The following CACNB4 variants were observed in gnomAD, a reference collection of about 807,000 sequenced individuals.
CACNB4 encodes the protein voltage-dependent L-type calcium channel subunit beta-4.
In CACNB4, 32 loss-of-function variants were observed where a neutral mutation model predicts 71.2. The observed-to-expected ratio is 0.45, with a 90% CI of 0.34 to 0.60. CACNB4 has a LOEUF of 0.60. CACNB4 is among the 20% of genes least tolerant of loss of function. The probability of loss-of-function intolerance (pLI) is 0.01; values close to 1 mark genes in which losing one functional copy is unlikely to be tolerated. For missense variants in CACNB4, 464 were observed against 647.9 expected (o/e 0.72, Z 3.08); for synonymous variants, 231 against 236.9 (o/e 0.97, Z 0.23).
At position 151,883,303 on chromosome 2, in the gene CACNB4, G is replaced by C. The variant is rs1438541321; in HGVS notation, c.215C>G (p.Ala72Gly). Residue 72 changes from alanine (A) to glycine (G), a missense_variant, in exon 3 of 14, where the codon GCA becomes GGA. Coordinates refer to ENST00000539935, the MANE Select transcript of CACNB4 (RefSeq NM_000726.5). ...TTGCTGTTCTCTCTCCTGTCGAATT[G>C]CTTCCCGGTCCTCTTCCAAAGAGAC... is the stretch of plus-strand genomic sequence containing the variant. ...SDVSLEEDRE[A>G]IRQEREQQAA... 1.9e-6 allele frequency: 3 copies of C among 1,613,826 alleles called. No individual in the cohort carries two copies. Among genetic ancestry groups the C allele is most frequent in the Non-Finnish European group, 2.5e-6 (3 of 1,179,718 alleles).
chr2:151,969,405 C>A (rs1195884770), intron 2 of CACNB4: 3 of 152,176 alleles, frequency 2.0e-5, no homozygotes, highest in Non-Finnish European at 4.4e-5. Flanking sequence ...CTAGCAAGCA[C>A]AAGGATATAT....
chr2:151,942,316 C>T (rs146317856), intron 2 of CACNB4, among the ~76,000 whole-genome samples: 6,070 of 149,086 alleles, frequency 0.041, 1,196 homozygotes, highest in African/African-American at 0.15. Flanking sequence ...GACATTTATC[C>T]GTTCCCAAAT....
At position 152,088,991 on chromosome 2, in the gene CACNB4, G is replaced by A. The variant is rs181324104; in HGVS notation, c.147+9339C>T. Among the ~76,000 whole-genome samples the A allele has an allele frequency of 3.1e-3, 479 of 152,322 alleles. 3 individuals carry two copies. The highest frequency in any genetic ancestry group is 0.011 in the African/African-American group (464 of 41,578). ...GTTACTTGAAAGCAGTAAAGCTACA[G>A]TATACCCTTAAAATTGAATCTATAA... On this transcript the variant is annotated intron_variant, in intron 2 of 13. Transcript: ENST00000539935.
chr2:152,025,099 T>G (rs1325088356), intron 2 of CACNB4, among the ~76,000 whole-genome samples: 1 of 152,146 alleles, frequency 6.6e-6, no homozygotes, highest in African/African-American at 2.4e-5. Flanking sequence ...ACCAGAAATC[T>G]GAGGCCCGAT....
At chr2:151,843,472 G>C (rs2099836762) in intron 12 of CACNB4, among the ~76,000 whole-genome samples, 1 of 151,976 alleles carries the variant, frequency 6.6e-6, no homozygotes, top group South Asian at 2.1e-4. Flanking sequence ...GCACCACTGT[G>C]CCTGGCTAAC....
intron 2 of CACNB4, among the ~76,000 whole-genome samples, chr2:151,992,133 G>T (rs1681743752): frequency 6.6e-6 from 1 of 152,196 alleles, no homozygotes; most frequent in Non-Finnish European, 1.5e-5. Context: ...GGCCTGGATG[G>T]AGTAAACTCC....
intron 2 of CACNB4, among the ~76,000 whole-genome samples, chr2:151,923,747 T>G (rs1224979424): frequency 6.6e-6 from 1 of 152,208 alleles, no homozygotes; most frequent in Non-Finnish European, 1.5e-5. Context: ...CTAACCCTCT[T>G]GCAGATTGGC....
At chr2:151,975,390 G>A (rs547351702) in intron 2 of CACNB4, among the ~76,000 whole-genome samples, 5 of 152,278 alleles carry the variant, frequency 3.3e-5, no homozygotes, top group African/African-American at 1.2e-4. Flanking sequence ...AATCACAGTC[G>A]CACATCTTGG....
intron 2 of CACNB4, among the ~76,000 whole-genome samples, chr2:151,920,866 C>T (rs890181852): frequency 3.3e-5 from 5 of 152,070 alleles, no homozygotes; most frequent in African/African-American, 4.8e-5. Flanking sequence ...AGGCCAGGCA[C>T]GGTGACTCAC....
chr2:151,998,315 C>CAAAAAAAAAAAAAAAAAA (rs70974815), intron 2 of CACNB4, among the ~76,000 whole-genome samples: 2 of 110,720 alleles, frequency 1.8e-5, no homozygotes, highest in African/African-American at 8.0e-5. Context: ...ACTCCATCTC[C>CAAAAAAAAAAAAAAAAAA]AAAAAAAAAA....
chr2:151,994,832 G>A (rs1230113752), intron 2 of CACNB4, among the ~76,000 whole-genome samples: 1 of 150,514 alleles, frequency 6.6e-6, no homozygotes, highest in Admixed American at 6.6e-5. Context: ...TTTAGAGACA[G>A]AGTCTTGCCC....
At chr2:151,898,572 C>T (rs1052752396) in intron 2 of CACNB4, among the ~76,000 whole-genome samples, 2 of 152,150 alleles carry the variant, frequency 1.3e-5, no homozygotes, top group Non-Finnish European at 2.9e-5. Flanking sequence ...TTTGTTGTTT[C>T]AACGAGGAAA....
intron 5 of CACNB4, chr2:151,874,778 G>A: frequency 2.6e-6 from 1 of 389,946 alleles, no homozygotes; most frequent in East Asian, 3.7e-5. Flanking sequence ...ATGCTTCAGT[G>A]CAGGCTGCGA....
intron 2 of CACNB4, among the ~76,000 whole-genome samples, chr2:151,906,146 C>A (rs930639591): frequency 6.6e-6 from 1 of 152,156 alleles, no homozygotes; most frequent in African/African-American, 2.4e-5. Flanking sequence ...AGTTGAGGGA[C>A]GCTACATCAA....
intron 2 of CACNB4, among the ~76,000 whole-genome samples, chr2:151,957,255 G>GGTGTGTGTGTGTGT: frequency 4.0e-5 from 1 of 25,006 alleles, no homozygotes; most frequent in Non-Finnish European, 1.9e-4. Flanking sequence ...AGAGTGGCTG[G>GGTGTGTGTGTGTGT]GCGTGTGTGT....
At chr2:152,072,071 G>T (rs532413002) in intron 2 of CACNB4, among the ~76,000 whole-genome samples, 51 of 152,366 alleles carry the variant, frequency 3.3e-4, no homozygotes, top group Non-Finnish European at 6.5e-4. Flanking sequence ...CCTTCCTGAA[G>T]CTTGCAATCA....
chr2:151,915,092 C>T (rs919529825), intron 2 of CACNB4, among the ~76,000 whole-genome samples: 4 of 152,228 alleles, frequency 2.6e-5, no homozygotes, highest in Non-Finnish European at 5.9e-5. Flanking sequence ...GCTAAGTTTG[C>T]TGGTCCACAG....
intron 2 of CACNB4, among the ~76,000 whole-genome samples, chr2:152,023,718 A>T (rs985934599): frequency 4.6e-5 from 7 of 152,132 alleles, no homozygotes; most frequent in Admixed American, 4.6e-4. Context: ...TACAGGCGTG[A>T]GCCACCACAC....
chr2:152,020,853 C>T (rs1364839065), intron 2 of CACNB4, among the ~76,000 whole-genome samples: 2 of 152,184 alleles, frequency 1.3e-5, no homozygotes, highest in Non-Finnish European at 2.9e-5. Flanking sequence ...CTAAATTGTG[C>T]TTTACATAAA....
Sources: gnomAD v4.1 joint callset for allele counts (sites outside exome capture counted in the v4.1 genomes callset) on GRCh38, gnomAD v4.1.1 for gene constraint, MANE v1.5 for transcripts, NCBI Gene and HGNC (gene_info 2026-07-23, HGNC 2026-07-21) for gene names.